The following UHRF2 variants were observed in gnomAD, a reference collection of about 807,000 sequenced individuals.
UHRF2 encodes ubiquitin like with PHD and ring finger domains 2, also known as E3 ubiquitin-protein ligase UHRF2.
In UHRF2, 23 loss-of-function variants were observed where a neutral mutation model predicts 96.8. That is an observed-to-expected ratio of 0.24 (90% CI 0.17 to 0.34). The LOEUF is 0.34. Among genes scored for constraint, UHRF2 ranks in the 10% least tolerant of loss-of-function variants. The pLI is 1.00. For synonymous variants in UHRF2, 385 were observed against 332.6 expected, an observed-to-expected ratio of 1.16 and a Z score of -1.72; for missense variants, 685 against 981.5, an observed-to-expected ratio of 0.70 and a Z score of 4.04.
At chr9:6,488,876 G>C (rs539553884) in intron 9 of UHRF2, among the ~76,000 whole-genome samples, 1 of 151,656 alleles carries the variant, frequency 6.6e-6, no homozygotes, top group South Asian at 2.1e-4. Flanking sequence ...GCAGTGATGC[G>C]ATTTCGGCTC....
chr9:6,468,389 C>G (rs1417272632), intron 4 of UHRF2: 1 of 453,952 alleles, frequency 2.2e-6, no homozygotes, highest in Admixed American at 2.4e-5. Flanking sequence ...GTGCTTTTAG[C>G]TAAAACAACT....
chr9:6,449,969 A>T (rs1329878363), intron 3 of UHRF2, among the ~76,000 whole-genome samples: 4 of 151,712 alleles, frequency 2.6e-5, no homozygotes, highest in African/African-American at 7.3e-5. Flanking sequence ...CCCTTTGCTG[A>T]TTTTGCTTTT....
At chr9:6,445,545 G>A (rs1157589947) in intron 3 of UHRF2, among the ~76,000 whole-genome samples, 1 of 152,166 alleles carries the variant, frequency 6.6e-6, no homozygotes, top group Non-Finnish European at 1.5e-5. Context: ...ACAGAGGTGA[G>A]CCACCACGCC....
In UHRF2 at chr9:6,479,421, T is replaced by C. The variant is rs139418295; in HGVS notation, c.1160+1613T>C. ...CTGGCCTTTCCTTCTTAGTCTCTTGTTGGGTTCCCGTCACCTACCAGATTT... is the reference window on the plus strand; with the variant it reads ...CTGGCCTTTCCTTCTTAGTCTCTTGCTGGGTTCCCGTCACCTACCAGATTT... On this transcript the variant is annotated intron_variant, in intron 6 of 15. Transcript: ENST00000276893. Among the ~76,000 whole-genome samples the C allele has an allele frequency of 9.4e-4, 143 of 152,268 alleles. 1 individual carries two copies. The highest frequency in any genetic ancestry group is 3.4e-3 in the African/African-American group (140 of 41,552).
chr9:6,430,254 T>C (rs4742200), intron 2 of UHRF2, among the ~76,000 whole-genome samples: 146,054 of 152,290 alleles, frequency 0.96, 70,064 homozygotes, highest in East Asian at 0.99. Context: ...AGGTGATCCA[T>C]CCACCCTGGC....
chr9:6,473,498 A>G (rs1356078181), intron 4 of UHRF2, among the ~76,000 whole-genome samples: 1 of 152,218 alleles, frequency 6.6e-6, no homozygotes. Context: ...TAATCCCCAA[A>G]GAATTAATGT....
chr9:6,491,490 G>T (rs1563803202), intron 9 of UHRF2, among the ~76,000 whole-genome samples: 3 of 152,184 alleles, frequency 2.0e-5, no homozygotes, highest in Non-Finnish European at 4.4e-5. Flanking sequence ...AACATTTGAG[G>T]CTATGGTCTA....
intron 4 of UHRF2, among the ~76,000 whole-genome samples, chr9:6,461,931 A>G (rs961992754): frequency 6.6e-6 from 1 of 152,136 alleles, no homozygotes; most frequent in Non-Finnish European, 1.5e-5. Context: ...TTTCTTTAGA[A>G]TAAATTGTTA....
intron 1 of UHRF2, among the ~76,000 whole-genome samples, chr9:6,419,887 G>T (rs2130716912): frequency 6.6e-6 from 1 of 152,054 alleles, no homozygotes; most frequent in East Asian, 1.9e-4. Context: ...CCACAGGCAT[G>T]TACAATCACA....
chr9:6,471,343 T>C (rs983454521), intron 4 of UHRF2, among the ~76,000 whole-genome samples: 4 of 152,192 alleles, frequency 2.6e-5, no homozygotes, highest in African/African-American at 9.7e-5. Context: ...AATTTGAAAA[T>C]AGCAGCTATG....
At chr9:6,468,635 A>C (rs1030302426) in intron 4 of UHRF2, 3 of 455,972 alleles carry the variant, frequency 6.6e-6, no homozygotes, top group African/African-American at 6.0e-5. Context: ...TGCCTCAAGC[A>C]TATGGCCTGC....
chr9:6,442,526 T>G (rs1176568649), intron 3 of UHRF2, among the ~76,000 whole-genome samples: 1 of 152,192 alleles, frequency 6.6e-6, no homozygotes, highest in African/African-American at 2.4e-5. Flanking sequence ...TCACCCTGAT[T>G]GAAATGCAGT....
chr9:6,431,580 TA>T (rs901386302), intron 2 of UHRF2, among the ~76,000 whole-genome samples: 32 of 148,502 alleles, frequency 2.2e-4, no homozygotes, highest in Admixed American at 7.4e-4. Flanking sequence ...TAGCCTGTCT[TA>T]AAAAAAAAAA....
At chr9:6,471,906 G>T (rs577148033) in intron 4 of UHRF2, among the ~76,000 whole-genome samples, 2 of 152,166 alleles carry the variant, frequency 1.3e-5, no homozygotes, top group Non-Finnish European at 2.9e-5. Flanking sequence ...AAAGGAGTCC[G>T]GTTAGAAATA....
chr9:6,416,535 C>CTTTTTTTTTTTTTTTTTTTTTTTTTT, intron 1 of UHRF2, among the ~76,000 whole-genome samples: 2 of 64,932 alleles, frequency 3.1e-5, no homozygotes, highest in Non-Finnish European at 5.3e-5. Context: ...ATCTCTAAAT[C>CTTTTTTTTTTTTTTTTTTTTTTTTTT]TTTTTTTTTT....
rs1244093706 is a variant in UHRF2 at position 6,477,729 on chromosome 9, C to T, written c.1081C>T (p.Leu361=). 1 of 1,613,958 alleles carries T rather than the reference C, an allele frequency of 6.2e-7. No homozygotes were observed. Among genetic ancestry groups the T allele is most frequent in the Admixed American group, 1.7e-5 (1 of 60,000 alleles). The part of the protein sequence containing the change: ...GGKHEPNMQL[L]CDECNVAYHI... The stretch of plus-strand genomic sequence containing the variant: ...GAAACATGAACCCAACATGCAGCTT[C>T]TGTGTGATGAATGTAATGTGGCTTA... Residue 361 remains leucine, a synonymous_variant, in exon 6 of 16, where the codon CTG becomes TTG. Transcript: ENST00000276893.
chr9:6,482,520 C>T (rs755020059), intron 8 of UHRF2, among the ~76,000 whole-genome samples: 15 of 151,958 alleles, frequency 9.9e-5, no homozygotes, highest in Non-Finnish European at 1.9e-4. Flanking sequence ...AGAGGAAGTG[C>T]CAGCTAATCC....
At chr9:6,417,135 C>T (rs139980843) in intron 1 of UHRF2, among the ~76,000 whole-genome samples, 3 of 152,244 alleles carry the variant, frequency 2.0e-5, no homozygotes, top group Admixed American at 1.3e-4. Context: ...TCAGTAGTTG[C>T]TTGGGAATGA....
Position 6,504,636 on chromosome 9 carries a change from G to A in UHRF2, c.2207G>A (p.Cys736Tyr). 6.2e-7 allele frequency: 1 copy of A among 1,613,834 alleles called. No homozygotes were observed. Among genetic ancestry groups the A allele is most frequent in the Non-Finnish European group, 8.5e-7 (1 of 1,179,830 alleles). The change falls in exon 15 of 16, where the codon TGT becomes TAT. Residue 736 changes from cysteine to tyrosine, a missense_variant. Around this residue, in one of 6 missense-constraint regions of UHRF2, gnomAD observed 71 missense variants for 114.1 expected, o/e 0.62. Transcript: ENST00000276893. The part of the protein sequence containing the change: ...KLEQSFMCVC[C>Y]QELVYQPVTT... ...GAACAATCTTTTATGTGCGTTTGCT[G>A]TCAGGAGCTAGTTTACCAGCCTGTG... is the stretch of plus-strand genomic sequence containing the variant.
Sources: allele counts gnomAD v4.1 joint callset (sites outside exome capture counted in the v4.1 genomes callset), GRCh38; gene constraint gnomAD v4.1.1; regional missense constraint gnomAD v4.1.1; transcripts MANE v1.5; gene names NCBI Gene and HGNC (gene_info 2026-07-23, HGNC 2026-07-21).